The following TRPC6 variants were observed in gnomAD, a reference collection of about 807,000 sequenced individuals.
The protein encoded by TRPC6 is transient receptor potential cation channel subfamily C member 6.
TRPC6 carries 55 observed loss-of-function variants against 90.7 expected under a neutral mutation model. The ratio of observed to expected loss-of-function variants is 0.61; its 90% CI spans 0.49 to 0.76. TRPC6 has a LOEUF of 0.76. TRPC6 is among the 30% of genes least tolerant of loss of function. The pLI, the probability that TRPC6 is intolerant of heterozygous loss-of-function variation, is 0.00. For missense variants in TRPC6, 989 were observed against 1,122.7 expected (o/e 0.88, Z 1.70); for synonymous variants, 393 against 393.0 (o/e 1.00, Z 0.00).
intron 7 of TRPC6, 72 bp from the exon 8 acceptor site, chr11:101,472,404 G>A: frequency 1.4e-6 from 2 of 1,459,210 alleles, no homozygotes; most frequent in South Asian, 2.5e-5. Context: ...CATAATAAAA[G>A]TGAGTTTGTT....
intron 1 of TRPC6, among the ~76,000 whole-genome samples, chr11:101,571,747 C>T (rs1227947282): frequency 6.6e-6 from 1 of 152,272 alleles, no homozygotes. Flanking sequence ...TTTGACAAAC[C>T]TGGCAAAAAC....
intron 1 of TRPC6, among the ~76,000 whole-genome samples, chr11:101,506,220 C>G (rs2136747163): frequency 6.6e-6 from 1 of 152,060 alleles, no homozygotes; most frequent in East Asian, 1.9e-4. Context: ...TGGAACAGGG[C>G]CAGGTTATAG....
intron 2 of TRPC6, among the ~76,000 whole-genome samples, chr11:101,495,548 A>G (rs1399716581): frequency 6.6e-6 from 1 of 150,874 alleles, no homozygotes; most frequent in Admixed American, 6.6e-5. Flanking sequence ...ATACAAGACA[A>G]TGAATGCCAA....
chr11:101,464,759 T>C (rs2136656743), intron 10 of TRPC6, among the ~76,000 whole-genome samples: 1 of 152,290 alleles, frequency 6.6e-6, no homozygotes, highest in East Asian at 1.9e-4. Flanking sequence ...TGCCAGTCTG[T>C]GTCTTTTAAT....
chr11:101,523,605 A>G (rs1159940788), intron 1 of TRPC6, among the ~76,000 whole-genome samples: 1 of 152,256 alleles, frequency 6.6e-6, no homozygotes, highest in East Asian at 1.9e-4. Flanking sequence ...TTCACTGGAG[A>G]GTAAAAAAGC....
intron 5 of TRPC6, among the ~76,000 whole-genome samples, chr11:101,480,388 C>T (rs1019388977): frequency 3.3e-5 from 5 of 152,044 alleles, no homozygotes; most frequent in Non-Finnish European, 5.9e-5. Flanking sequence ...CCTACCGGTC[C>T]AAGGCAGAAC....
At chr11:101,500,210 C>CTTTTTTTTTTTTTTTTTT (rs373591780) in intron 2 of TRPC6, among the ~76,000 whole-genome samples, 1 of 137,710 alleles carries the variant, frequency 7.3e-6, no homozygotes, top group African/African-American at 2.8e-5. Flanking sequence ...TATTTTTTTT[C>CTTTTTTTTTTTTTTTTTT]TTTCTTTTTT....
At chr11:101,569,024 T>C (rs1317373302) in intron 1 of TRPC6, among the ~76,000 whole-genome samples, 4 of 152,128 alleles carry the variant, frequency 2.6e-5, no homozygotes, top group African/African-American at 9.7e-5. Context: ...TGACCTTAAA[T>C]GTAAACAGGC....
intron 1 of TRPC6, among the ~76,000 whole-genome samples, chr11:101,576,400 T>A (rs1427596021): frequency 6.6e-6 from 1 of 152,248 alleles, no homozygotes; most frequent in Non-Finnish European, 1.5e-5. Flanking sequence ...AGAACAGTTA[T>A]GCTGCAATCA....
chr11:101,472,089 T>C (rs1481516883), intron 8 of TRPC6, 48 bp downstream of exon 8: 9 of 1,568,234 alleles, frequency 5.7e-6, no homozygotes, highest in African/African-American at 1.4e-5. Context: ...GCCCTTGGAA[T>C]AGTTAAAACA....
intron 1 of TRPC6, among the ~76,000 whole-genome samples, chr11:101,510,098 T>C (rs1042265866): frequency 6.6e-6 from 1 of 152,146 alleles, no homozygotes; most frequent in Non-Finnish European, 1.5e-5. Flanking sequence ...ACGCATGCTT[T>C]GCTGCTCTCC....
chr11:101,531,373 G>A (rs1473700451), intron 1 of TRPC6, among the ~76,000 whole-genome samples: 1 of 152,194 alleles, frequency 6.6e-6, no homozygotes, highest in Non-Finnish European at 1.5e-5. Flanking sequence ...CTTACTGGTG[G>A]AACAGAGACT....
At chr11:101,541,765 G>C (rs1165323997) in intron 1 of TRPC6, among the ~76,000 whole-genome samples, 1 of 152,116 alleles carries the variant, frequency 6.6e-6, no homozygotes, top group African/African-American at 2.4e-5. Flanking sequence ...AGAAAAAAAA[G>C]TATTACATTA....
At chr11:101,500,904 G>T (rs1438778253) in intron 2 of TRPC6, among the ~76,000 whole-genome samples, 1 of 152,048 alleles carries the variant, frequency 6.6e-6, no homozygotes, top group Non-Finnish European at 1.5e-5. Flanking sequence ...AGAGTCCTTT[G>T]CATATATCTG....
chr11:101,558,965 T>G (rs747483509), intron 1 of TRPC6, among the ~76,000 whole-genome samples: 1 of 152,044 alleles, frequency 6.6e-6, no homozygotes, highest in Non-Finnish European at 1.5e-5. Context: ...TAGGCAATGT[T>G]TTTTTTGGAT....
At chr11:101,530,420 T>TAG (rs1353176910) in intron 1 of TRPC6, among the ~76,000 whole-genome samples, 1 of 151,918 alleles carries the variant, frequency 6.6e-6, no homozygotes, top group Non-Finnish European at 1.5e-5. Context: ...TGGCAGGAGA[T>TAG]ACGCCCATCT....
At chr11:101,465,786 C>T (rs1199760611) in intron 10 of TRPC6, among the ~76,000 whole-genome samples, 1 of 152,156 alleles carries the variant, frequency 6.6e-6, no homozygotes, top group Non-Finnish European at 1.5e-5. Flanking sequence ...GAAGCCTACT[C>T]CTGTCAATTT....
At chr11:101,495,358 A>G (rs560192247) in intron 2 of TRPC6, among the ~76,000 whole-genome samples, 1 of 152,268 alleles carries the variant, frequency 6.6e-6, no homozygotes, top group East Asian at 1.9e-4. Context: ...AGTGTAGAGA[A>G]AAATGCATGT....
At chr11:101,582,144 A>G (rs1396016873) in intron 1 of TRPC6, among the ~76,000 whole-genome samples, 1 of 152,236 alleles carries the variant, frequency 6.6e-6, no homozygotes, top group Non-Finnish European at 1.5e-5. Flanking sequence ...AAATGCTCTT[A>G]ACTTGCACAG....
Sources: allele counts gnomAD v4.1 joint callset (sites outside exome capture counted in the v4.1 genomes callset), GRCh38; gene constraint gnomAD v4.1.1; transcripts MANE v1.5; gene names NCBI Gene and HGNC (gene_info 2026-07-23, HGNC 2026-07-21).